PKD1L3: variants seen among roughly 807,000 people sequenced by gnomAD.
PKD1L3 encodes polycystin 1 like 3, transient receptor potential channel interacting.
In PKD1L3, 239 loss-of-function variants were observed where a neutral mutation model predicts 184.1. The observed-to-expected ratio is 1.30, with a 90% CI of 1.17 to 1.45. The LOEUF is 1.45. Among genes scored for constraint, PKD1L3 ranks in the 40% most tolerant of loss-of-function variants. The pLI, the probability that PKD1L3 is intolerant of heterozygous loss-of-function variation, is 0.00. For synonymous variants in PKD1L3, 996 were observed against 778.8 expected (o/e 1.28, Z -4.64); for missense variants, 2,660 against 2,067.2 (o/e 1.29, Z -5.56).
At chr16:71,961,471 C>T (rs927643578) in intron 16 of PKD1L3, among the ~76,000 whole-genome samples, 1 of 152,110 alleles carries the variant, frequency 6.6e-6, no homozygotes, top group Admixed American at 6.6e-5. Flanking sequence ...AAGGCTAAAG[C>T]CCCTACTTAG....
Position 71,982,235 on chromosome 16 carries a change from C to A in PKD1L3, c.967G>T (p.Val323Phe), listed in dbSNP as rs2040190053. The change falls in exon 7 of 30, where the codon GTT becomes TTT. Residue 323 changes from valine (V) to phenylalanine (F), a missense_variant and splice_region_variant. Val to Phe is a conservative substitution (Grantham distance 50). Coordinates refer to ENST00000620267, the MANE Select transcript of PKD1L3 (RefSeq NM_181536.2). Reference sequence around the variant, plus strand: ...TAAATAAGGGAATTGATGAGATTAACCTGGGAGGATTAGAAAGCAAACATA... The same window carrying A: ...TAAATAAGGGAATTGATGAGATTAAACTGGGAGGATTAGAAAGCAAACATA... ...LTPRFSKPAQ[V>F]NLINSLIYLS... is the part of the protein sequence containing the mutation. The A allele has an allele frequency of 2.0e-6, 3 of 1,500,472 alleles. No individual in the cohort carries two copies. In the East Asian group the frequency reaches 7.5e-5, roughly 38 times the overall value. 92.9% of individuals were successfully genotyped at this position (1,500,472 alleles called of 1,614,324 possible). A position where few individuals can be genotyped will look rare whatever the true frequency, so the allele number is the denominator to read the frequency against.
At chr16:71,974,913 G>A (rs1302864864) in intron 11 of PKD1L3, among the ~76,000 whole-genome samples, 1 of 85,954 alleles carries the variant, frequency 1.2e-5, no homozygotes, top group Non-Finnish European at 2.5e-5. Flanking sequence ...ACTGTAGCAT[G>A]CTTTCTCCAT....
intron 11 of PKD1L3, among the ~76,000 whole-genome samples, chr16:71,975,173 A>G (rs565934382): frequency 7.9e-4 from 120 of 151,708 alleles, no homozygotes; most frequent in African/African-American, 2.7e-3. Flanking sequence ...CTCTTGCCTC[A>G]GCCTCCCAAG....
intron 5 of PKD1L3, 89 bp downstream of exon 5, chr16:71,986,132 A>G: frequency 1.4e-6 from 2 of 1,455,462 alleles, no homozygotes; most frequent in South Asian, 2.7e-5. Context: ...AGGCATTCTT[A>G]GGTGTAGTTC....
chr16:71,935,606 C>T (rs556087651), intron 25 of PKD1L3, 88 bp from the exon 26 acceptor site: 2 of 1,280,716 alleles, frequency 1.6e-6, no homozygotes, highest in Admixed American at 4.6e-5. Context: ...CAGCTGATGT[C>T]TGTGGGCAAA....
At chr16:71,958,830 T>TA (rs1353970350) in intron 16 of PKD1L3, among the ~76,000 whole-genome samples, 2 of 143,066 alleles carry the variant, frequency 1.4e-5, no homozygotes, top group Non-Finnish European at 3.0e-5. Flanking sequence ...CTCACACCTG[T>TA]AATCTTAGCA....
chr16:71,999,046 C>A (rs930759886), intron 1 of PKD1L3, among the ~76,000 whole-genome samples: 2 of 151,812 alleles, frequency 1.3e-5, no homozygotes, highest in Non-Finnish European at 2.9e-5. Flanking sequence ...CCGAGGCGGG[C>A]GGATCACGAG....
chr16:71,969,348 C>T (rs1370516795), intron 13 of PKD1L3, among the ~76,000 whole-genome samples: 4 of 115,110 alleles, frequency 3.5e-5, no homozygotes, highest in Non-Finnish European at 7.2e-5. Context: ...GTCTCTGTTG[C>T]CCAGGCTGGA....
chr16:71,965,313 T>G (rs958530912), intron 15 of PKD1L3, among the ~76,000 whole-genome samples: 2 of 152,238 alleles, frequency 1.3e-5, no homozygotes, highest in African/African-American at 2.4e-5. Context: ...TTTTCTGTTT[T>G]GGGCTACTAA....
rs1461474930 is a variant in PKD1L3 at position 71,984,174 on chromosome 16, G to C, written c.835-7C>G. ...CTGCTATCTCATCTATGACCTATTG[G>C]GAACAAAGAAGTTGTCAAAATTACT... On this transcript the variant is annotated splice_region_variant and splice_polypyrimidine_tract_variant and intron_variant, in intron 5 of 29. Coordinates refer to ENST00000620267, the MANE Select transcript of PKD1L3 (RefSeq NM_181536.2). 6.4e-7 allele frequency: 1 copy of C among 1,550,550 alleles called. No homozygotes were observed. The highest frequency in any genetic ancestry group is 8.7e-7 in the Non-Finnish European group (1 of 1,146,264).
intron 22 of PKD1L3, among the ~76,000 whole-genome samples, chr16:71,947,011 C>T (rs1254294963): frequency 6.6e-6 from 1 of 151,328 alleles, no homozygotes; most frequent in Non-Finnish European, 1.5e-5. Flanking sequence ...AATCCCAGCA[C>T]TTGGGAGGCC....
chr16:71,947,165 G>C (rs969757349), intron 22 of PKD1L3, among the ~76,000 whole-genome samples: 1 of 152,146 alleles, frequency 6.6e-6, no homozygotes, highest in Non-Finnish European at 1.5e-5. Flanking sequence ...GCTGAGACAG[G>C]AGAATCGCTT....
rs1375570898 is a variant in PKD1L3, at chr16:71,937,315, C to A, written c.4429G>T (p.Val1477Phe). 33 of 1,551,402 alleles carry A rather than the reference C, an allele frequency of 2.1e-5. No homozygotes were observed. The highest frequency in any genetic ancestry group is 2.7e-5 in the Non-Finnish European group (31 of 1,146,942). The part of the protein sequence containing the change: ...IISQVIYYLL[V>F]CYYAFIQGCQ... Reference sequence around the variant, plus strand: ...ACCTGTATGAAGGCATAGTAACAGACCAGTAGATAATAGATGACTTGTGAG... The same window carrying A: ...ACCTGTATGAAGGCATAGTAACAGAACAGTAGATAATAGATGACTTGTGAG... Residue 1477 changes from valine to phenylalanine, a missense_variant, in exon 25 of 30, where the codon GTC becomes TTC. Val to Phe is a conservative substitution (Grantham distance 50, BLOSUM62 -1). Coordinates refer to ENST00000620267, the MANE Select transcript of PKD1L3 (RefSeq NM_181536.2).
intron 8 of PKD1L3, 25 bp from the exon 9 acceptor site, chr16:71,979,937 G>T: frequency 6.4e-7 from 1 of 1,550,446 alleles, no homozygotes; most frequent in Non-Finnish European, 8.7e-7. Flanking sequence ...TAAAATGGAA[G>T]TCAATTTTTG....
rs1354469148 is a variant in PKD1L3, at chr16:71,939,843, G to A, written c.4325-2424C>T. ...GTTTAACTCCAATCCCTTACAAAAT[G>A]CCACTATAATGAAAGTGACAGGATA... On this transcript the variant is annotated intron_variant, in intron 24 of 29. Transcript: ENST00000620267. 2.0e-5 allele frequency among the ~76,000 whole-genome samples: 3 copies of A among 152,100 alleles called. No homozygotes were observed. The South Asian group carries it at 6.2e-4, about 32-fold the overall frequency.
At chr16:71,954,002 G>T in intron 17 of PKD1L3, 103 bp downstream of exon 17, 1 of 990,570 alleles carries the variant, frequency 1.0e-6, no homozygotes, top group Non-Finnish European at 1.4e-6. Context: ...GATCACTTGA[G>T]GCCAGGAGTT....
At chr16:71,989,972 G>C (rs1418282523) in intron 4 of PKD1L3, among the ~76,000 whole-genome samples, 1 of 151,962 alleles carries the variant, frequency 6.6e-6, no homozygotes, top group Non-Finnish European at 1.5e-5. Flanking sequence ...CTACTTGGGA[G>C]GCTGAGGCAG....
chr16:71,977,318 G>C lies in PKD1L3; in HGVS notation c.1677C>G (p.Leu559=), dbSNP rs2039966646. Residue 559 remains leucine (L), a synonymous_variant, in exon 11 of 30, where the codon CTC becomes CTG. Transcript: ENST00000620267. ...IDPDSPLLMT[L]YLGFQYQPNC... ...TAGGCTGATACTGGAACCCCAGGTA[G>C]AGTGTCATTAAAAGGGGACTGTCAG... 3 of 1,545,122 alleles carry C rather than the reference G, an allele frequency of 1.9e-6. No homozygotes were observed. The highest frequency in any genetic ancestry group is 2.6e-6 in the Non-Finnish European group (3 of 1,141,140).
Position 71,931,207 on chromosome 16 carries a change from C to A in PKD1L3, c.4927-1024G>T, listed in dbSNP as rs543638697. 1.4e-4 allele frequency: 21 copies of A among 152,148 alleles called. No homozygotes were observed. The East Asian group carries it at 3.9e-3, about 28-fold the overall frequency. 9.4% of individuals were successfully genotyped at this position (152,148 alleles called of 1,614,324 possible). A position where few individuals can be genotyped will look rare whatever the true frequency, so the allele number is the denominator to read the frequency against. On this transcript the variant is annotated intron_variant, in intron 28 of 29. Coordinates refer to ENST00000620267, the MANE Select transcript of PKD1L3 (RefSeq NM_181536.2). The stretch of plus-strand genomic sequence containing the variant: ...AGGAGGTGTCAGCAAAAATTTGTTA[C>A]TCTGATTACTTCCTTCACAGCTTTA...
Sources: allele counts gnomAD v4.1 joint callset (sites outside exome capture counted in the v4.1 genomes callset), GRCh38; gene constraint gnomAD v4.1.1; transcripts MANE v1.5; gene names NCBI Gene and HGNC (gene_info 2026-07-23, HGNC 2026-07-21).